Variants in SLC2A13 observed in about 807,000 individuals in gnomAD.
SLC2A13 encodes proton myo-inositol cotransporter.
A neutral mutation model predicts 64.4 loss-of-function variants in SLC2A13; 32 were observed. The ratio of observed to expected loss-of-function variants is 0.50; its 90% CI spans 0.37 to 0.67. The LOEUF (loss-of-function observed/expected upper bound fraction) is 0.67, where lower values mean the gene tolerates loss of function less well. Among genes scored for constraint, SLC2A13 ranks in the 30% least tolerant of loss-of-function variants. The probability of loss-of-function intolerance (pLI) is 0.00; values close to 1 mark genes in which losing one functional copy is unlikely to be tolerated. For synonymous variants in SLC2A13, 338 were observed against 327.1 expected, an observed-to-expected ratio of 1.03 and a Z score of -0.36; for missense variants, 743 against 829.2, an observed-to-expected ratio of 0.90 and a Z score of 1.28.
At chr12:39,893,942 C>T (rs1046782424) in intron 4 of SLC2A13, among the ~76,000 whole-genome samples, 15 of 152,072 alleles carry the variant, frequency 9.9e-5, no homozygotes, top group Non-Finnish European at 1.6e-4. Flanking sequence ...TCACAATTAA[C>T]GTGTTAGTAG....
intron 1 of SLC2A13, among the ~76,000 whole-genome samples, chr12:40,056,553 C>G (rs1354761149): frequency 6.6e-6 from 1 of 152,110 alleles, no homozygotes; most frequent in Non-Finnish European, 1.5e-5. Context: ...TAACAAGCAA[C>G]AGCATAAGTG....
At chr12:40,010,911 G>A (rs190806784) in intron 3 of SLC2A13, among the ~76,000 whole-genome samples, 1 of 152,254 alleles carries the variant, frequency 6.6e-6, no homozygotes, top group East Asian at 1.9e-4. Context: ...TGTTTTAGAG[G>A]TTTTAAGAGT....
intron 4 of SLC2A13, among the ~76,000 whole-genome samples, chr12:39,935,942 A>G (rs1294442696): frequency 6.6e-5 from 10 of 151,184 alleles, no homozygotes; most frequent in Non-Finnish European, 1.0e-4. Context: ...GAAGTTATGA[A>G]ACTTGTAGCT....
chr12:39,861,337 T>C (rs575596848), intron 6 of SLC2A13, among the ~76,000 whole-genome samples: 1 of 152,320 alleles, frequency 6.6e-6, no homozygotes, highest in East Asian at 1.9e-4. Flanking sequence ...AATCCTATGG[T>C]AGGTGATCCA....
In SLC2A13 at chr12:40,105,843, G is replaced by T; in HGVS notation, c.-35C>A. 3 of 1,359,862 alleles carry T rather than the reference G, an allele frequency of 2.2e-6. No individual in the cohort carries two copies. The highest frequency in any genetic ancestry group is 3.1e-5 in the African/African-American group (2 of 65,462). 84.2% of individuals were successfully genotyped at this position (1,359,862 alleles called of 1,614,324 possible). On this transcript the variant is annotated 5_prime_UTR_variant, in exon 1 of 10. Transcript: ENST00000280871. The surrounding 1 kb of genome is among the most constrained non-coding windows in gnomAD (Gnocchi z 4.2). ...GCCCGGGGCTGCCCGGGGGGACGCGGCTCCGCGGGCCGGCAGTCTCGGCGA... is the reference window on the plus strand; with the variant it reads ...GCCCGGGGCTGCCCGGGGGGACGCGTCTCCGCGGGCCGGCAGTCTCGGCGA...
At chr12:40,030,307 C>T (rs1029385176) in intron 2 of SLC2A13, among the ~76,000 whole-genome samples, 5 of 152,082 alleles carry the variant, frequency 3.3e-5, no homozygotes, top group African/African-American at 1.2e-4. Context: ...GTACTTCTGG[C>T]CTCTTCCCCT....
At chr12:39,940,083 T>C (rs539437073) in intron 4 of SLC2A13, among the ~76,000 whole-genome samples, 56 of 152,294 alleles carry the variant, frequency 3.7e-4, no homozygotes, top group African/African-American at 1.3e-3. Flanking sequence ...TTCCCATTAA[T>C]TCACTAACTT....
In SLC2A13 at chr12:39,758,320, TCTC is replaced by T. The variant is rs1940024364; in HGVS notation, c.*1703_*1705del. 6.6e-6 allele frequency: 1 copy of T among 151,920 alleles called. No individual in the cohort carries two copies. The highest frequency in any genetic ancestry group is 1.5e-5 in the Non-Finnish European group (1 of 67,790). The allele number at this position is 151,920 out of a possible 1,614,324, so 9.4% of individuals were successfully genotyped here. Reference sequence around the variant, plus strand: ...AGAGAATGAACTTCCTCAGCTGTATTCTCAGCTTGATAACTGTGATAGGAACAA... The same window carrying T: ...AGAGAATGAACTTCCTCAGCTGTATTAGCTTGATAACTGTGATAGGAACAA... On this transcript the variant is annotated 3_prime_UTR_variant, in exon 10 of 10. Transcript: ENST00000280871.
At chr12:40,030,261 C>T (rs1366625521) in intron 2 of SLC2A13, among the ~76,000 whole-genome samples, 1 of 152,134 alleles carries the variant, frequency 6.6e-6, no homozygotes. Flanking sequence ...GAAGAGTCCT[C>T]GGATGAGAGC....
At chr12:40,085,744 C>T (rs1467552738) in intron 1 of SLC2A13, among the ~76,000 whole-genome samples, 4 of 152,116 alleles carry the variant, frequency 2.6e-5, no homozygotes, top group African/African-American at 9.7e-5. Context: ...TTACATATAA[C>T]TTGTACTTTA....
intron 3 of SLC2A13, among the ~76,000 whole-genome samples, chr12:39,955,899 G>A (rs1946306760): frequency 6.6e-6 from 1 of 152,116 alleles, no homozygotes; most frequent in African/African-American, 2.4e-5. Flanking sequence ...GGACAGGAGT[G>A]GACACCTGGC....
chr12:40,086,559 C>A (rs1351800660), intron 1 of SLC2A13, among the ~76,000 whole-genome samples: 1 of 151,986 alleles, frequency 6.6e-6, no homozygotes, highest in Non-Finnish European at 1.5e-5. Context: ...AAATATTTTC[C>A]CCCATTGGTT....
At chr12:39,997,692 A>G (rs1947254998) in intron 3 of SLC2A13, among the ~76,000 whole-genome samples, 2 of 152,088 alleles carry the variant, frequency 1.3e-5, no homozygotes, top group Admixed American at 1.3e-4. Context: ...TTATCCGGGC[A>G]TGGTGGCGGG....
intron 1 of SLC2A13, among the ~76,000 whole-genome samples, chr12:40,073,927 T>C (rs1444993660): frequency 1.3e-5 from 2 of 152,248 alleles, no homozygotes; most frequent in Admixed American, 6.5e-5. Flanking sequence ...GGCTGGGAAA[T>C]GCTCAGTCAT....
At chr12:40,080,096 A>G (rs996085117) in intron 1 of SLC2A13, among the ~76,000 whole-genome samples, 2 of 152,162 alleles carry the variant, frequency 1.3e-5, no homozygotes, top group African/African-American at 4.8e-5. Flanking sequence ...TTCTGACCTC[A>G]GGTGATCTGC....
chr12:40,059,692 C>A (rs944564535), intron 1 of SLC2A13, among the ~76,000 whole-genome samples: 1 of 152,088 alleles, frequency 6.6e-6, no homozygotes, highest in African/African-American at 2.4e-5. Context: ...TTTATGGAGA[C>A]TTCATTGAAA....
chr12:39,884,951 T>C (rs1395929308), intron 4 of SLC2A13, among the ~76,000 whole-genome samples: 2 of 152,194 alleles, frequency 1.3e-5, no homozygotes, highest in African/African-American at 4.8e-5. Flanking sequence ...TTAGTCATAA[T>C]TAGGATGATA....
intron 3 of SLC2A13, among the ~76,000 whole-genome samples, chr12:40,023,787 G>A (rs1947760013): frequency 6.6e-6 from 1 of 152,192 alleles, no homozygotes; most frequent in South Asian, 2.1e-4. Flanking sequence ...GGACATGTCT[G>A]TCAAACTGAG....
intron 3 of SLC2A13, among the ~76,000 whole-genome samples, chr12:40,012,000 T>C (rs1478490693): frequency 2.6e-5 from 4 of 152,136 alleles, no homozygotes; most frequent in Admixed American, 6.5e-5. Context: ...CAACCTGGGA[T>C]TCCTGTCACT....
Sources: gnomAD v4.1 joint callset for allele counts (sites outside exome capture counted in the v4.1 genomes callset) on GRCh38, gnomAD v4.1.1 for gene constraint, Gnocchi (gnomAD v3.1) non-coding constraint, MANE v1.5 for transcripts, NCBI Gene and HGNC (gene_info 2026-07-23, HGNC 2026-07-21) for gene names.